The following MEGF8 variants were observed in gnomAD, a reference collection of about 807,000 sequenced individuals.
MEGF8 encodes multiple epidermal growth factor-like domains protein 8.
A neutral mutation model predicts 302.9 loss-of-function variants in MEGF8; 156 were observed. The observed-to-expected ratio is 0.52, with a 90% confidence interval of 0.45 to 0.59. MEGF8 has a LOEUF of 0.59. Ranked by LOEUF, MEGF8 falls within the 20% of genes least tolerant of loss-of-function variation. The pLI, the probability that MEGF8 is intolerant of heterozygous loss-of-function variation, is 0.00. For missense variants in MEGF8, 3,345 were observed against 3,964.5 expected (o/e 0.84, Z 4.20); for synonymous variants, 1,621 against 1,660.5 (o/e 0.98, Z 0.58).
Position 42,335,311 on chromosome 19 carries a change from A to G in MEGF8, c.754A>G (p.Asn252Asp), listed in dbSNP as rs769584545. The change falls in exon 5 of 42, where the codon AAT (asparagine) becomes GAT (aspartate). Residue 252 changes from asparagine (N) to aspartate (D), a missense_variant. Physicochemically the swap from Asn to Asp is conservative, Grantham distance 23 (BLOSUM62 1). Transcript: ENST00000251268. ...CCCCTCCACAGGCCAGGACCTCAAC[A>G]ATGCCCTGGGTGACCTCGTCCTATA... ...LAVFGGQDLNNALGDLVLYNF... is the reference protein window; with the variant it reads ...LAVFGGQDLNDALGDLVLYNF... 7.4e-6 allele frequency: 12 copies of G among 1,613,812 alleles called. No homozygotes were observed. The highest frequency in any genetic ancestry group is 1.0e-5 in the Non-Finnish European group (12 of 1,179,894).
In MEGF8 at chr19:42,356,182, C is replaced by T. The variant is rs747096596; in HGVS notation, c.4492C>T (p.Arg1498Cys). The change falls in exon 25 of 42, where the codon CGC becomes TGC. Residue 1498 changes from arginine (R) to cysteine (C), a missense_variant. Coordinates refer to ENST00000251268, the MANE Select transcript of MEGF8 (RefSeq NM_001271938.2). The surrounding 1 kb of genome is among the most constrained non-coding windows in gnomAD (Gnocchi z 5.2). ...GGTCTGGGAGACCCTCATGGACAGC[C>T]GCCTCTCAGCCGTGAGTTGTGGGTA... Reference protein sequence around the residue: ...QLVWETLMDSRLSADTASRFL... With the variant: ...QLVWETLMDSCLSADTASRFL... The T allele has an allele frequency of 1.2e-5, 19 of 1,533,292 alleles. No individual in the cohort carries two copies. The East Asian group carries it at 1.7e-4, about 14-fold the overall frequency. The allele number at this position is 1,533,292 out of a possible 1,614,324, so 95.0% of individuals were successfully genotyped here. A position where few individuals can be genotyped will look rare whatever the true frequency, so the allele number is the denominator to read the frequency against.
In MEGF8 at chr19:42,343,598, G is replaced by GTATA; in HGVS notation, c.1635_1636insTATA (p.Pro546TyrfsTer12). 6.2e-7 allele frequency: 1 copy of GTATA among 1,611,546 alleles called. No homozygotes were observed. The highest frequency in any genetic ancestry group is 2.2e-5 in the East Asian group (1 of 44,820). ...GTGGGGACTTGATGGCGTACAAGGT[G>GTATA]CCCCCCTTTGTGTTCCAGGCACCTG... On this transcript the variant is annotated frameshift_variant, in exon 9 of 42. Transcript: ENST00000251268. LOFTEE classifies it high-confidence loss of function.
rs759892500 is a variant in MEGF8 at position 42,375,914 on chromosome 19, C to T, written c.7677C>T (p.Gly2559=). 1.4e-5 allele frequency: 23 copies of T among 1,598,434 alleles called. No homozygotes were observed. Among genetic ancestry groups the T allele is most frequent in the African/African-American group, 5.4e-5 (4 of 74,762 alleles). The change falls in exon 42 of 42, where the codon GGC becomes GGT. Residue 2559 remains glycine, a synonymous_variant. Transcript: ENST00000251268. This position sits in a 1 kb window ranked among gnomAD's most constrained non-coding sequence, Gnocchi z 7.1. Reference sequence around the variant, plus strand: ...GAGCAGGGGCCAGCAGTGGGCCGGGCGCCCCAGCAGAGCCACGGGTACGGG... The same window carrying T: ...GAGCAGGGGCCAGCAGTGGGCCGGGTGCCCCAGCAGAGCCACGGGTACGGG... ...PGGAGASSGP[G]APAEPRVREV...
chr19:42,328,567 A>AGTGTGTGTGTGTGTGTGTGTGT (rs113567438), intron 1 of MEGF8, among the ~76,000 whole-genome samples: 2,027 of 146,668 alleles, frequency 0.014, 56 homozygotes, highest in African/African-American at 0.045. Flanking sequence ...CAGAATAGGA[A>AGTGTGTGTGTGTGTGTGTGTGT]GTGTGTGTGT....
chr19:42,354,303 T>C lies in MEGF8; in HGVS notation c.4011+279T>C, dbSNP rs1600053925. 6.6e-6 allele frequency among the ~76,000 whole-genome samples: 1 copy of C among 152,060 alleles called. No homozygotes were observed. The highest frequency in any genetic ancestry group is 1.9e-4 in the East Asian group (1 of 5,144). Reference sequence around the variant, plus strand: ...TCCTAGAGCAGGAATGGTAAATTGTTACACCTTGTACACCAACTCTGATTG... The same window carrying C: ...TCCTAGAGCAGGAATGGTAAATTGTCACACCTTGTACACCAACTCTGATTG... On this transcript the variant is annotated intron_variant, in intron 22 of 41. Coordinates refer to ENST00000251268, the MANE Select transcript of MEGF8 (RefSeq NM_001271938.2). This position sits in a 1 kb window ranked among gnomAD's most constrained non-coding sequence, Gnocchi z 4.3.
Position 42,370,823 on chromosome 19 carries a change from G to C in MEGF8, c.7128G>C (p.Lys2376Asn). ...AGGGCTACTTCCTCCTGGACGGGAA[G>C]TGCACCAAGTAAGAGGAACCGGGGG... ...CLQGYFLLDG[K>N]CTKCQCNGHA... The change falls in exon 40 of 42, where the codon AAG becomes AAC. Residue 2376 changes from lysine to asparagine, a missense_variant. Physicochemically the swap from Lys to Asn is moderately conservative, Grantham distance 94. Coordinates refer to ENST00000251268, the MANE Select transcript of MEGF8 (RefSeq NM_001271938.2). The C allele has an allele frequency of 1.4e-6, 1 of 730,504 alleles. No individual in the cohort carries two copies. 45.3% of individuals were successfully genotyped at this position (730,504 alleles called of 1,614,324 possible). A position where few individuals can be genotyped will look rare whatever the true frequency, so the allele number is the denominator to read the frequency against.
At chr19:42,327,102 T>C (rs2038995117) in intron 1 of MEGF8, among the ~76,000 whole-genome samples, 1 of 152,208 alleles carries the variant, frequency 6.6e-6, no homozygotes, top group East Asian at 1.9e-4. Flanking sequence ...ACTCACCTCA[T>C]AGAGTTGTTG....
In MEGF8 at chr19:42,351,269, C is replaced by A; in HGVS notation, c.2790C>A (p.Cys930Ter). Residue 930 changes from cysteine to a stop codon, truncating the protein, a stop_gained, in exon 16 of 42, where the codon TGC becomes TGA. Transcript: ENST00000251268. LOFTEE classifies it high-confidence loss of function. The surrounding 1 kb of genome is among the most constrained non-coding windows in gnomAD (Gnocchi z 5.6). The stretch of plus-strand genomic sequence containing the variant: ...CCAGCCGCAAAGGGGACGCGGCATG[C>A]AGCCGGCGGGGCCGGGGTCGGGGTG... The part of the protein sequence containing the change: ...QSTSRKGDAA[C>*]SRRGRGRGAL... 1 of 1,573,530 alleles carries A rather than the reference C, an allele frequency of 6.4e-7. No homozygotes were observed. Among genetic ancestry groups the A allele is most frequent in the Non-Finnish European group, 8.6e-7 (1 of 1,159,134 alleles).
chr19:42,341,419 A>G (rs917254903), intron 8 of MEGF8, among the ~76,000 whole-genome samples: 1 of 135,838 alleles, frequency 7.4e-6, no homozygotes, highest in Non-Finnish European at 1.5e-5. Context: ...ACAGAGGGAT[A>G]CTCCATCTCC....
At chr19:42,326,774 A>T (rs2147434805) in intron 1 of MEGF8, among the ~76,000 whole-genome samples, 1 of 131,900 alleles carries the variant, frequency 7.6e-6, no homozygotes, top group African/African-American at 2.9e-5. Flanking sequence ...TGGGGGCCTC[A>T]CTCTGTCACC....
At position 42,376,010 on chromosome 19, in the gene MEGF8, C is replaced by T. The variant is rs375633770; in HGVS notation, c.7773C>T (p.Gly2591=). 1.5e-5 allele frequency: 24 copies of T among 1,605,458 alleles called. No homozygotes were observed. The highest frequency in any genetic ancestry group is 1.3e-4 in the South Asian group (12 of 90,638). The change falls in exon 42 of 42, where the codon GGC becomes GGT. Residue 2591 remains glycine (G), a synonymous_variant. Coordinates refer to ENST00000251268, the MANE Select transcript of MEGF8 (RefSeq NM_001271938.2). The surrounding 1 kb of genome is among the most constrained non-coding windows in gnomAD (Gnocchi z 8.2). The stretch of plus-strand genomic sequence containing the variant: ...CGTCGGCAGTGCTGGTGGTCCGCGG[C>T]GTGCGGGACCGGCTGGTCATCACCT... The part of the protein sequence containing the change: ...TEPSAVLVVR[G]VRDRLVITYP...
intron 35 of MEGF8, among the ~76,000 whole-genome samples, chr19:42,364,202 A>G (rs1416458335): frequency 6.6e-6 from 1 of 152,172 alleles, no homozygotes; most frequent in Non-Finnish European, 1.5e-5. Flanking sequence ...TGCCTGGCAC[A>G]TGCTCTCTTG....
At chr19:42,335,878 G>A (rs1021730643) in intron 5 of MEGF8, 53 bp from the exon 6 acceptor site, 4 of 1,420,784 alleles carry the variant, frequency 2.8e-6, no homozygotes, top group Non-Finnish European at 1.8e-6. Flanking sequence ...TCTAAGCCTG[G>A]CTCTGGCTCT....
At chr19:42,335,763 A>G (rs941250901) in intron 5 of MEGF8, among the ~76,000 whole-genome samples, 168 bp from the exon 6 acceptor site, 1 of 151,492 alleles carries the variant, frequency 6.6e-6, no homozygotes, top group Non-Finnish European at 1.5e-5. Flanking sequence ...CTCTGTTTCT[A>G]TGAGTCTGTC....
In MEGF8 at chr19:42,352,781, T is replaced by A. The variant is rs2039395532; in HGVS notation, c.3351-147T>A. The A allele has an allele frequency of 1.5e-6, 1 of 667,222 alleles. No individual in the cohort carries two copies. The highest frequency in any genetic ancestry group is 2.6e-6 in the Non-Finnish European group (1 of 389,248). The allele number at this position is 667,222 out of a possible 1,614,324, so 41.3% of individuals were successfully genotyped here. A position where few individuals can be genotyped will look rare whatever the true frequency, so the allele number is the denominator to read the frequency against. On this transcript the variant is annotated intron_variant, in intron 19 of 41. Transcript: ENST00000251268. This position sits in a 1 kb window ranked among gnomAD's most constrained non-coding sequence, Gnocchi z 4.4. ...AGACAGGCTTGGTGATGCATGGAGT[T>A]ACCTTGGAGACAGGGTCACCCACAT...
In MEGF8 at chr19:42,370,772, T is replaced by A; in HGVS notation, c.7077T>A (p.Tyr2359Ter). The change falls in exon 40 of 42, where the codon TAT (tyrosine) becomes TAA (stop). Residue 2359 changes from tyrosine (Y) to a stop codon, truncating the protein, a stop_gained. Transcript: ENST00000251268. LOFTEE classifies it high-confidence loss of function. ...GCGTGAACTGCCAGAATAACAGCTA[T>A]GGGGAGAAATGCGAGAGCTGCCTGC... ...AVCVNCQNNS[Y>*]GEKCESCLQG... is the part of the protein sequence containing the mutation. 1 of 1,551,118 alleles carries A rather than the reference T, an allele frequency of 6.4e-7. No homozygotes were observed. Among genetic ancestry groups the A allele is most frequent in the Non-Finnish European group, 8.7e-7 (1 of 1,147,320 alleles).
intron 35 of MEGF8, among the ~76,000 whole-genome samples, chr19:42,366,839 C>G (rs778269873): frequency 6.6e-6 from 1 of 152,162 alleles, no homozygotes; most frequent in Non-Finnish European, 1.5e-5. Context: ...CCCAGATTGT[C>G]CCACCATCTG....
Position 42,376,601 on chromosome 19 carries a change from T to C in MEGF8, c.8364T>C (p.Pro2788=). The change falls in exon 42 of 42, where the codon CCT becomes CCC. Residue 2788 remains proline (P), a synonymous_variant. Coordinates refer to ENST00000251268, the MANE Select transcript of MEGF8 (RefSeq NM_001271938.2). The surrounding 1 kb of genome is among the most constrained non-coding windows in gnomAD (Gnocchi z 8.2). ...TGGCCACACTGCTGCTCCAGCTGCC[T>C]GGCGGGCCCCATGCACCCAACGGCG... ...AGVATLLLQL[P]GGPHAPNGAC... 1 of 1,549,084 alleles carries C rather than the reference T, an allele frequency of 6.5e-7. No homozygotes were observed. Among genetic ancestry groups the C allele is most frequent in the South Asian group, 1.2e-5 (1 of 84,278 alleles).
In MEGF8 at chr19:42,354,877, G is replaced by A. The variant is rs1250858851; in HGVS notation, c.4144+157G>A. Among the ~76,000 whole-genome samples, 1 of 152,122 alleles carries A rather than the reference G, an allele frequency of 6.6e-6. No individual in the cohort carries two copies. The highest frequency in any genetic ancestry group is 1.5e-5 in the Non-Finnish European group (1 of 68,026). ...TCTGGACCTCAGTGTCCTTAGTTGA[G>A]AGGAAAATAGGATTGCGCCGGCTGA... On this transcript the variant is annotated intron_variant, in intron 23 of 41. Coordinates refer to ENST00000251268, the MANE Select transcript of MEGF8 (RefSeq NM_001271938.2). The surrounding 1 kb of genome is among the most constrained non-coding windows in gnomAD (Gnocchi z 4.3).
Sources: gnomAD v4.1 joint callset for allele counts (sites outside exome capture counted in the v4.1 genomes callset) on GRCh38, gnomAD v4.1.1 for gene constraint, Gnocchi (gnomAD v3.1) non-coding constraint, MANE v1.5 for transcripts, NCBI Gene and HGNC (gene_info 2026-07-23, HGNC 2026-07-21) for gene names.